Variants in FAM107B observed in about 807,000 individuals in gnomAD.
FAM107B encodes the protein protein FAM107B.
In FAM107B, 21 loss-of-function variants were observed where a neutral mutation model predicts 31.5. The observed-to-expected ratio is 0.67, with a 90% CI of 0.47 to 0.96. The LOEUF (loss-of-function observed/expected upper bound fraction) is 0.96, where lower values mean the gene tolerates loss of function less well. FAM107B is among the 40% of genes least tolerant of loss of function. FAM107B has a pLI of 0.00. For synonymous variants in FAM107B, 157 were observed against 141.5 expected (o/e 1.11, Z -0.78); for missense variants, 452 against 377.1 (o/e 1.20, Z -1.64).
chr10:14,741,797 T>G (rs1285124484), intron 1 of FAM107B, among the ~76,000 whole-genome samples: 3 of 141,904 alleles, frequency 2.1e-5, no homozygotes, highest in Non-Finnish European at 3.0e-5. Flanking sequence ...CTCGGCTCAC[T>G]GCAAGCTCCG....
At chr10:14,731,440 C>T (rs184090765) in intron 1 of FAM107B, among the ~76,000 whole-genome samples, 1 of 152,148 alleles carries the variant, frequency 6.6e-6, no homozygotes, top group South Asian at 2.1e-4. Context: ...TGGGTGCCTG[C>T]GGTCCCAGCT....
chr10:14,659,667 T>C (rs954386253), intron 2 of FAM107B, among the ~76,000 whole-genome samples: 2 of 152,164 alleles, frequency 1.3e-5, no homozygotes, highest in Non-Finnish European at 2.9e-5. Flanking sequence ...TATAGTGGGT[T>C]CTGGTGGAAA....
At chr10:14,712,480 G>A (rs144418411) in intron 1 of FAM107B, among the ~76,000 whole-genome samples, 135 of 151,784 alleles carry the variant, frequency 8.9e-4, no homozygotes, top group Middle Eastern at 3.4e-3. Context: ...TGTAACCCCC[G>A]CTACTAGGGA....
rs138124990 is a variant in FAM107B at position 14,729,002 on chromosome 10, G to GT, written c.411+45250dup. 7.5e-3 allele frequency among the ~76,000 whole-genome samples: 1,135 copies of GT among 151,092 alleles called. 46 individuals are homozygous for GT. In the East Asian group the frequency reaches 0.13, roughly 17 times the overall value. On this transcript the variant is annotated intron_variant, in intron 1 of 4. Coordinates refer to ENST00000181796, the MANE Select transcript of FAM107B (RefSeq NM_031453.4). ...CAAGTTAGATAGATATATGTGTTTTGTTTTTTTTTAAATGGGGTCTTGCTC... is the reference window on the plus strand; with the variant it reads ...CAAGTTAGATAGATATATGTGTTTTGTTTTTTTTTTAAATGGGGTCTTGCTC...
intron 2 of FAM107B, among the ~76,000 whole-genome samples, chr10:14,535,071 C>G (rs1020878012): frequency 1.3e-5 from 2 of 152,190 alleles, no homozygotes; most frequent in Admixed American, 1.3e-4. Flanking sequence ...GGTACAAGTA[C>G]TTTGCAAGCA....
At chr10:14,715,423 A>C (rs888045030) in intron 1 of FAM107B, among the ~76,000 whole-genome samples, 2 of 152,206 alleles carry the variant, frequency 1.3e-5, no homozygotes, top group Admixed American at 6.5e-5. Context: ...AGATCAACTT[A>C]AGAGTTTGTA....
At chr10:14,637,185 T>C (rs1853521637) in intron 2 of FAM107B, among the ~76,000 whole-genome samples, 1 of 152,134 alleles carries the variant, frequency 6.6e-6, no homozygotes, top group African/African-American at 2.4e-5. Context: ...CACGAGGGTC[T>C]TATTTCTAAC....
chr10:14,738,898 C>T (rs1357977411), intron 1 of FAM107B, among the ~76,000 whole-genome samples: 2 of 152,172 alleles, frequency 1.3e-5, no homozygotes, highest in East Asian at 1.9e-4. Context: ...TTATTTTGCT[C>T]ACAACTTTGT....
intron 1 of FAM107B, among the ~76,000 whole-genome samples, chr10:14,693,293 T>C (rs919938686): frequency 1.3e-5 from 2 of 152,106 alleles, no homozygotes; most frequent in Non-Finnish European, 1.5e-5. Context: ...CTGGCCAACA[T>C]GGGGAAACCC....
chr10:14,729,119 A>G (rs766206033), intron 1 of FAM107B, among the ~76,000 whole-genome samples: 63 of 151,996 alleles, frequency 4.1e-4, no homozygotes, highest in Non-Finnish European at 6.5e-4. Context: ...CAGCCTCCCA[A>G]GTAGCTAGGA....
At chr10:14,572,736 A>ATATATATATATATATATATATATATATAT (rs1455058375) in intron 2 of FAM107B, among the ~76,000 whole-genome samples, 1 of 86,490 alleles carries the variant, frequency 1.2e-5, no homozygotes, top group African/African-American at 4.0e-5. Context: ...AAAAAAAAAA[A>ATATATATATATATATATATATATATATAT]ATTTATATAT....
At chr10:14,664,053 T>C (rs1854339945) in intron 2 of FAM107B, among the ~76,000 whole-genome samples, 1 of 152,192 alleles carries the variant, frequency 6.6e-6, no homozygotes, top group African/African-American at 2.4e-5. Flanking sequence ...TTATGGTGCA[T>C]TCTCTTGAAA....
chr10:14,610,365 T>C (rs1852698188), intron 2 of FAM107B, among the ~76,000 whole-genome samples: 1 of 152,174 alleles, frequency 6.6e-6, no homozygotes, highest in South Asian at 2.1e-4. Flanking sequence ...AAAAAGAATA[T>C]GGCATCCTAA....
rs115282374 is a variant in FAM107B at position 14,607,518 on chromosome 10, T to C, written c.469+60116A>G. 6.8e-3 allele frequency among the ~76,000 whole-genome samples: 1,032 copies of C among 152,322 alleles called. 15 individuals are homozygous for C. Among genetic ancestry groups the C allele is most frequent in the African/African-American group, 0.024 (997 of 41,578 alleles). On this transcript the variant is annotated intron_variant, in intron 2 of 4. Transcript: ENST00000181796. ...CATCCACCACAGTGTCTGCAACATA[T>C]CACTCTGTGGGTGATAGATGCTTGT... is the stretch of plus-strand genomic sequence containing the variant.
chr10:14,537,162 T>A (rs916250680), intron 2 of FAM107B, among the ~76,000 whole-genome samples: 12 of 152,090 alleles, frequency 7.9e-5, no homozygotes, highest in African/African-American at 2.9e-4. Flanking sequence ...CCGCTTTCCT[T>A]AGGACAGCCA....
chr10:14,530,935 G>A (rs1004129546), intron 2 of FAM107B, among the ~76,000 whole-genome samples: 1 of 152,180 alleles, frequency 6.6e-6, no homozygotes, highest in South Asian at 2.1e-4. Flanking sequence ...CAGGAAAGAG[G>A]GGCCTATAAA....
At position 14,521,102 on chromosome 10, in the gene FAM107B, A is replaced by C; in HGVS notation, c.*88T>G. ...GTCAAAATTCTCTGCTGGCTGAAAT[A>C]TTCTCCAGGGGCTTTTGCCCTGAGA... On this transcript the variant is annotated 3_prime_UTR_variant, in exon 5 of 5. Coordinates refer to ENST00000181796, the MANE Select transcript of FAM107B (RefSeq NM_031453.4). 2.9e-6 allele frequency: 3 copies of C among 1,023,348 alleles called. No individual in the cohort carries two copies. In the South Asian group the frequency reaches 4.5e-5, roughly 15 times the overall value. 63.4% of individuals were successfully genotyped at this position (1,023,348 alleles called of 1,614,324 possible).
chr10:14,751,422 G>T (rs1046035928), intron 1 of FAM107B, among the ~76,000 whole-genome samples: 1 of 152,170 alleles, frequency 6.6e-6, no homozygotes, highest in African/African-American at 2.4e-5. Context: ...GAGAAGGGGA[G>T]TCTGAAAACC....
At chr10:14,544,676 C>T (rs12355037) in intron 2 of FAM107B, among the ~76,000 whole-genome samples, 3,254 of 152,252 alleles carry the variant, frequency 0.021, 47 homozygotes, top group Non-Finnish European at 0.032. Context: ...ACCCTAAAGA[C>T]ATCAACAGAG....
Sources: allele counts gnomAD v4.1 joint callset (sites outside exome capture counted in the v4.1 genomes callset), GRCh38; gene constraint gnomAD v4.1.1; transcripts MANE v1.5; gene names NCBI Gene and HGNC (gene_info 2026-07-23, HGNC 2026-07-21).